Variants in TSNARE1 observed in about 807,000 individuals in gnomAD.
TSNARE1 encodes t-SNARE domain containing 1, also known as t-SNARE domain-containing protein 1.
In TSNARE1, 49 loss-of-function variants were observed where a neutral mutation model predicts 62.0. That is an observed-to-expected ratio of 0.79 (90% CI 0.63 to 1.00). TSNARE1 has a LOEUF of 1.00. TSNARE1 is among the 50% of genes least tolerant of loss of function. The pLI, the probability that TSNARE1 is intolerant of heterozygous loss-of-function variation, is 0.00. For synonymous variants in TSNARE1, 328 were observed against 294.4 expected (o/e 1.11, Z -1.17); for missense variants, 755 against 700.1 (o/e 1.08, Z -0.88).
intron 6 of TSNARE1, among the ~76,000 whole-genome samples, chr8:142,322,736 T>C (rs887066855): frequency 6.6e-6 from 1 of 152,044 alleles, no homozygotes; most frequent in Non-Finnish European, 1.5e-5. Context: ...TGGGCGACGA[T>C]GTTGTTATGA....
rs73370362 is a variant in TSNARE1, at chr8:142,335,207, G to A, written c.746-3376C>T. 3.1e-3 allele frequency among the ~76,000 whole-genome samples: 472 copies of A among 151,926 alleles called. 9 individuals carry two copies. In the East Asian group the frequency reaches 0.045, roughly 14 times the overall value. On this transcript the variant is annotated intron_variant, in intron 4 of 13. Coordinates refer to ENST00000524325, the MANE Select transcript of TSNARE1 (RefSeq NM_145003.5). The stretch of plus-strand genomic sequence containing the variant: ...TGTACTGAAACCACCTCAACGAGGC[G>A]GGGTCATCAGATGTTATAAATGACA...
chr8:142,290,029 C>A (rs1249912258), intron 10 of TSNARE1, among the ~76,000 whole-genome samples: 1 of 152,172 alleles, frequency 6.6e-6, no homozygotes, highest in Non-Finnish European at 1.5e-5. Context: ...GGGCCCTGTG[C>A]ACCTGGGCAG....
intron 12 of TSNARE1, among the ~76,000 whole-genome samples, chr8:142,251,842 GC>G (rs1228805619): frequency 2.0e-5 from 3 of 146,398 alleles, no homozygotes; most frequent in African/African-American, 7.7e-5. Flanking sequence ...TATCTGCAGG[GC>G]CCGGGCACCA....
intron 12 of TSNARE1, chr8:142,271,606 C>T: frequency 7.0e-7 from 1 of 1,432,222 alleles, no homozygotes; most frequent in Non-Finnish European, 9.1e-7. Context: ...CTCGTAAGTC[C>T]AGGGGGTCAG....
rs567161340 is a variant in TSNARE1 at position 142,372,569 on chromosome 8, T to C, written c.-39-17806A>G. Among the ~76,000 whole-genome samples the C allele has an allele frequency of 3.2e-4, 48 of 152,262 alleles. No individual in the cohort carries two copies. The East Asian group carries it at 9.1e-3, about 29-fold the overall frequency. The stretch of plus-strand genomic sequence containing the variant: ...GTGCTGGCTTCCCTCACCCCTCATG[T>C]GAGCAGCAGGGGCAAAGGGGCTCCT... On this transcript the variant is annotated intron_variant, in intron 1 of 13. Transcript: ENST00000524325.
At chr8:142,254,276 GC>G (rs1438578931) in intron 12 of TSNARE1, among the ~76,000 whole-genome samples, 1 of 152,204 alleles carries the variant, frequency 6.6e-6, no homozygotes, top group East Asian at 1.9e-4. Flanking sequence ...CTTCCCCAGT[GC>G]CCCGTGGGGC....
At chr8:142,344,764 T>G (rs1443413943) in intron 3 of TSNARE1, among the ~76,000 whole-genome samples, 1 of 152,184 alleles carries the variant, frequency 6.6e-6, no homozygotes, top group Non-Finnish European at 1.5e-5. Flanking sequence ...ACCACAGAGG[T>G]GCAGGAGCCG....
At chr8:142,338,229 C>T (rs1253886557) in intron 4 of TSNARE1, among the ~76,000 whole-genome samples, 1 of 152,254 alleles carries the variant, frequency 6.6e-6, no homozygotes, top group African/African-American at 2.4e-5. Context: ...TGCGTCCCCC[C>T]ACGTCTCACT....
chr8:142,277,193 G>A, intron 11 of TSNARE1: 1 of 984,752 alleles, frequency 1.0e-6, no homozygotes. Context: ...CCCAACACAG[G>A]GGGTGCTCCA....
intron 1 of TSNARE1, among the ~76,000 whole-genome samples, chr8:142,379,221 C>A (rs1445482349): frequency 6.6e-6 from 1 of 152,208 alleles, no homozygotes; most frequent in Non-Finnish European, 1.5e-5. Context: ...CTCAGCGGGC[C>A]GCTGCCAGCA....
chr8:142,312,391 T>C (rs1010118649), intron 9 of TSNARE1, among the ~76,000 whole-genome samples: 1 of 152,148 alleles, frequency 6.6e-6, no homozygotes, highest in South Asian at 2.1e-4. Context: ...GTATGAAAAA[T>C]TGCAGAGATT....
At chr8:142,270,165 G>A (rs1436367114) in intron 12 of TSNARE1, 1 of 985,300 alleles carries the variant, frequency 1.0e-6, no homozygotes, top group Admixed American at 6.1e-5. Context: ...CCTAGGCTGG[G>A]GGGCTGCAGA....
At chr8:142,303,022 C>T (rs1356796515) in intron 9 of TSNARE1, among the ~76,000 whole-genome samples, 1 of 152,154 alleles carries the variant, frequency 6.6e-6, no homozygotes, top group Non-Finnish European at 1.5e-5. Context: ...TCTTGCCATG[C>T]CCCTCCCGTG....
intron 1 of TSNARE1, among the ~76,000 whole-genome samples, chr8:142,365,229 C>T (rs1835445269): frequency 6.6e-6 from 1 of 152,140 alleles, no homozygotes; most frequent in South Asian, 2.1e-4. Context: ...CTGTGAGAAA[C>T]AGCAGAGACA....
intron 1 of TSNARE1, among the ~76,000 whole-genome samples, chr8:142,362,910 A>G (rs565616876): frequency 3.7e-4 from 57 of 152,318 alleles, no homozygotes; most frequent in African/African-American, 1.2e-3. Flanking sequence ...TGTGAAGACC[A>G]GTGAGATGAA....
chr8:142,291,901 G>A lies in TSNARE1; in HGVS notation c.1291-7416C>T, dbSNP rs991611789. 6.6e-6 allele frequency among the ~76,000 whole-genome samples: 1 copy of A among 152,026 alleles called. No homozygotes were observed. Among genetic ancestry groups the A allele is most frequent in the African/African-American group, 2.4e-5 (1 of 41,378 alleles). ...GTGTGGGGTGAGGAATGAGGGAGAG[G>A]ACAGTCCATTGGGAGTACGGGGTCA... On this transcript the variant is annotated intron_variant, in intron 10 of 13. Transcript: ENST00000524325. This position sits in a 1 kb window ranked among gnomAD's most constrained non-coding sequence, Gnocchi z 4.8.
At chr8:142,213,303 G>C (rs959081650) in intron 13 of TSNARE1, among the ~76,000 whole-genome samples, 1 of 139,512 alleles carries the variant, frequency 7.2e-6, no homozygotes, top group South Asian at 2.5e-4. Flanking sequence ...CGGGGCTGGG[G>C]AGAATGCCCC....
At chr8:142,352,224 A>C (rs1321106188) in intron 2 of TSNARE1, among the ~76,000 whole-genome samples, 6 of 152,264 alleles carry the variant, frequency 3.9e-5, no homozygotes, top group Admixed American at 2.0e-4. Flanking sequence ...CCAAGAGAAA[A>C]GCAGACAAAC....
intron 11 of TSNARE1, among the ~76,000 whole-genome samples, chr8:142,281,025 G>A (rs1024684182): frequency 2.6e-5 from 4 of 152,224 alleles, no homozygotes; most frequent in African/African-American, 9.6e-5. Flanking sequence ...ACACAGCACA[G>A]TACCCGGGAA....
Sources: allele counts gnomAD v4.1 joint callset (sites outside exome capture counted in the v4.1 genomes callset), GRCh38; gene constraint gnomAD v4.1.1; non-coding constraint Gnocchi (gnomAD v3.1); transcripts MANE v1.5; gene names NCBI Gene and HGNC (gene_info 2026-07-23, HGNC 2026-07-21).